Variants in AP3B1 observed in about 807,000 individuals in gnomAD.
AP3B1 encodes AP-3 complex subunit beta-1.
AP3B1 carries 61 observed loss-of-function variants against 132.5 expected under a neutral mutation model. The observed-to-expected ratio is 0.46, with a 90% CI of 0.37 to 0.57. The LOEUF (loss-of-function observed/expected upper bound fraction) is 0.57, where lower values mean the gene tolerates loss of function less well. Among genes scored for constraint, AP3B1 ranks in the 20% least tolerant of loss-of-function variants. The pLI, the probability that AP3B1 is intolerant of heterozygous loss-of-function variation, is 0.00. For missense variants in AP3B1, 1,120 were observed against 1,289.4 expected, an observed-to-expected ratio of 0.87 and a Z score of 2.01; for synonymous variants, 388 against 438.3, an observed-to-expected ratio of 0.89 and a Z score of 1.43.
At chr5:78,085,761 G>A (rs772294043) in intron 22 of AP3B1, among the ~76,000 whole-genome samples, 27 of 152,206 alleles carry the variant, frequency 1.8e-4, no homozygotes, top group Non-Finnish European at 3.4e-4. Context: ...TAACCATGGT[G>A]AACGTGACAT....
chr5:78,293,114 A>G (rs1252361398), intron 1 of AP3B1, among the ~76,000 whole-genome samples: 4 of 152,130 alleles, frequency 2.6e-5, no homozygotes, highest in African/African-American at 9.7e-5. Flanking sequence ...CCTGGCCTCA[A>G]GCGATCCGCC....
At chr5:78,112,062 G>A (rs1307662600) in intron 19 of AP3B1, among the ~76,000 whole-genome samples, 3 of 151,920 alleles carry the variant, frequency 2.0e-5, no homozygotes, top group African/African-American at 4.8e-5. Context: ...ATTACTAAAG[G>A]GTGGTTTTTG....
chr5:78,021,569 AG>A (rs2112067776), intron 24 of AP3B1, among the ~76,000 whole-genome samples: 1 of 152,276 alleles, frequency 6.6e-6, no homozygotes, highest in Admixed American at 6.5e-5. Flanking sequence ...AAATGATAGT[AG>A]TGTGTTTGAT....
chr5:78,196,280 A>T (rs530126258), intron 7 of AP3B1, among the ~76,000 whole-genome samples: 2 of 152,372 alleles, frequency 1.3e-5, no homozygotes, highest in South Asian at 4.1e-4. Flanking sequence ...AACATGTTCA[A>T]AACCATGTCA....
At chr5:78,286,879 G>A (rs1325764777) in intron 1 of AP3B1, among the ~76,000 whole-genome samples, 3 of 152,174 alleles carry the variant, frequency 2.0e-5, no homozygotes, top group Admixed American at 6.5e-5. Flanking sequence ...ACGAACCAAC[G>A]TTATTCATAA....
chr5:78,182,781 G>A (rs1744424495), intron 7 of AP3B1, among the ~76,000 whole-genome samples: 1 of 152,134 alleles, frequency 6.6e-6, no homozygotes, highest in Admixed American at 6.5e-5. Flanking sequence ...GGTGATCCTA[G>A]ACTTCTACCC....
intron 14 of AP3B1, among the ~76,000 whole-genome samples, chr5:78,148,178 T>C (rs1170961085): frequency 6.6e-6 from 1 of 152,198 alleles, no homozygotes; most frequent in Non-Finnish European, 1.5e-5. Flanking sequence ...ACAGGCCTCA[T>C]ACACTGTTAC....
intron 1 of AP3B1, among the ~76,000 whole-genome samples, chr5:78,294,100 C>G (rs1749647562): frequency 1.3e-5 from 2 of 152,142 alleles, no homozygotes; most frequent in Admixed American, 1.3e-4. Context: ...AAGTCTGATC[C>G]GGCGAACGGT....
intron 22 of AP3B1, among the ~76,000 whole-genome samples, chr5:78,053,908 G>T (rs1321618779): frequency 6.6e-6 from 1 of 152,126 alleles, no homozygotes; most frequent in African/African-American, 2.4e-5. Flanking sequence ...CAGCAGTGAG[G>T]TGTGGTGGGA....
At chr5:78,007,339 C>T (rs897375485) in intron 26 of AP3B1, among the ~76,000 whole-genome samples, 4 of 152,154 alleles carry the variant, frequency 2.6e-5, no homozygotes, top group South Asian at 2.1e-4. Context: ...GGATAGTCTT[C>T]CTGGTTTCTG....
At chr5:78,215,299 T>A (rs1745913788) in intron 7 of AP3B1, among the ~76,000 whole-genome samples, 1 of 152,100 alleles carries the variant, frequency 6.6e-6, no homozygotes, top group Admixed American at 6.5e-5. Flanking sequence ...AATGTGCTAT[T>A]CTTACAACAT....
chr5:78,203,733 G>C (rs1338467131), intron 7 of AP3B1, among the ~76,000 whole-genome samples: 1 of 152,120 alleles, frequency 6.6e-6, no homozygotes, highest in East Asian at 1.9e-4. Context: ...TGGTGCACTT[G>C]ATGTCATCAC....
intron 17 of AP3B1, among the ~76,000 whole-genome samples, chr5:78,127,119 A>G (rs1013621837): frequency 2.6e-5 from 4 of 152,204 alleles, no homozygotes; most frequent in African/African-American, 9.6e-5. Flanking sequence ...GGCCATGATC[A>G]TTATAGAAAT....
chr5:78,264,753 C>T (rs1045701628), intron 2 of AP3B1, among the ~76,000 whole-genome samples: 4 of 152,210 alleles, frequency 2.6e-5, no homozygotes, highest in African/African-American at 4.8e-5. Flanking sequence ...AAGATTTATA[C>T]AAAACTATTT....
At chr5:78,007,588 G>C (rs1278505116) in intron 26 of AP3B1, among the ~76,000 whole-genome samples, 1 of 152,170 alleles carries the variant, frequency 6.6e-6, no homozygotes, top group African/African-American at 2.4e-5. Context: ...GTGTAATGAA[G>C]TCGCACGATC....
intron 12 of AP3B1, among the ~76,000 whole-genome samples, chr5:78,165,197 G>A (rs901687626): frequency 6.6e-6 from 1 of 152,018 alleles, no homozygotes; most frequent in East Asian, 1.9e-4. Context: ...AAATTTTTTT[G>A]AGCTATATAT....
intron 22 of AP3B1, among the ~76,000 whole-genome samples, chr5:78,046,775 C>T (rs1748351088): frequency 6.6e-6 from 1 of 151,904 alleles, no homozygotes; most frequent in Admixed American, 6.6e-5. Context: ...CATAGGTATA[C>T]ACGTGCCAAG....
At position 78,227,521 on chromosome 5, in the gene AP3B1, T is replaced by A. The variant is rs1229682546; in HGVS notation, c.387A>T (p.Gln129His). The A allele has an allele frequency of 7.4e-6, 12 of 1,613,680 alleles. No individual in the cohort carries two copies. The highest frequency in any genetic ancestry group is 1.0e-5 in the Non-Finnish European group (12 of 1,179,714). ...TFQRALKDPN[Q>H]LIRASALRVL... ...CTCTCAAAGCGCTTGCACGAATTAGTTGGTTTGGGTCCTAAAAATAGTGCA... is the reference window on the plus strand; with the variant it reads ...CTCTCAAAGCGCTTGCACGAATTAGATGGTTTGGGTCCTAAAAATAGTGCA... The change falls in exon 5 of 27, where the codon CAA becomes CAT. Residue 129 changes from glutamine (Q) to histidine (H), a missense_variant. Physicochemically the swap from Gln to His is conservative, Grantham distance 24. Around this residue, in one of 3 missense-constraint regions of AP3B1, gnomAD observed 129 missense variants for 212.4 expected, o/e 0.61. Coordinates refer to ENST00000255194, the MANE Select transcript of AP3B1 (RefSeq NM_003664.5).
At chr5:78,215,939 T>A in intron 7 of AP3B1, 116 bp downstream of exon 7, 1 of 909,318 alleles carries the variant, frequency 1.1e-6, no homozygotes, top group Non-Finnish European at 1.7e-6. Context: ...GACAAATGAG[T>A]CTTCCTTAAA....
Sources: allele counts gnomAD v4.1 joint callset (sites outside exome capture counted in the v4.1 genomes callset), GRCh38; gene constraint gnomAD v4.1.1; regional missense constraint gnomAD v4.1.1; transcripts MANE v1.5; gene names NCBI Gene and HGNC (gene_info 2026-07-23, HGNC 2026-07-21).